Variants in SORBS2 observed in about 807,000 individuals in gnomAD.
SORBS2 encodes the protein sorbin and SH3 domain containing 2, also known as sorbin and SH3 domain-containing protein 2.
SORBS2 carries 46 observed loss-of-function variants against 97.7 expected under a neutral mutation model. The ratio of observed to expected loss-of-function variants is 0.47; its 90% CI spans 0.37 to 0.60. SORBS2 has a LOEUF of 0.60. Ranked by LOEUF, SORBS2 falls within the 20% of genes least tolerant of loss-of-function variation. SORBS2 has a pLI of 0.00. For missense variants in SORBS2, 1,316 were observed against 1,282.3 expected, an observed-to-expected ratio of 1.03 and a Z score of -0.40; for synonymous variants, 476 against 473.4, an observed-to-expected ratio of 1.01 and a Z score of -0.07.
intron 1 of SORBS2, among the ~76,000 whole-genome samples, chr4:185,814,025 G>T (rs2099191587): frequency 6.6e-6 from 1 of 152,100 alleles, no homozygotes; most frequent in African/African-American, 2.4e-5. Context: ...CTGATGACTG[G>T]CTGGTGTGAA....
intron 5 of SORBS2, among the ~76,000 whole-genome samples, chr4:185,627,511 C>T (rs746932591): frequency 6.6e-6 from 1 of 152,146 alleles, no homozygotes; most frequent in Non-Finnish European, 1.5e-5. Context: ...AACCACTGTG[C>T]CCGGACAACT....
chr4:185,638,533 C>A (rs899705647), intron 4 of SORBS2, among the ~76,000 whole-genome samples: 1 of 152,146 alleles, frequency 6.6e-6, no homozygotes, highest in Non-Finnish European at 1.5e-5. Context: ...TCAACCCAGT[C>A]ACCAAATAGC....
At chr4:185,915,201 C>A (rs115754649) in intron 1 of SORBS2, among the ~76,000 whole-genome samples, 1 of 152,140 alleles carries the variant, frequency 6.6e-6, no homozygotes, top group Non-Finnish European at 1.5e-5. Context: ...AAGAAGTGGA[C>A]GATGACTTTA....
chr4:185,862,729 C>T (rs527436125), intron 1 of SORBS2, among the ~76,000 whole-genome samples: 2 of 152,298 alleles, frequency 1.3e-5, no homozygotes, highest in South Asian at 4.1e-4. Context: ...ATCATTTTTG[C>T]CCTGGTGTGA....
chr4:185,610,850 A>T (rs2096526336), intron 12 of SORBS2, among the ~76,000 whole-genome samples: 1 of 152,176 alleles, frequency 6.6e-6, no homozygotes. Context: ...TTGAATGTTG[A>T]GAAGTACTTA....
chr4:185,622,716 ACAT>A (rs375681687), intron 7 of SORBS2, among the ~76,000 whole-genome samples, 195 bp downstream of exon 19: 132 of 152,344 alleles, frequency 8.7e-4, no homozygotes, highest in Middle Eastern at 3.4e-3. Context: ...TTTAAGCCAC[ACAT>A]CAAGTCCAAA....
At chr4:185,779,779 C>G (rs1318424759) in intron 1 of SORBS2, among the ~76,000 whole-genome samples, 1 of 152,096 alleles carries the variant, frequency 6.6e-6, no homozygotes, top group Non-Finnish European at 1.5e-5. Context: ...GTCTAGTATC[C>G]CAGGAGAACA....
chr4:185,908,895 C>A (rs1193440774), intron 1 of SORBS2, among the ~76,000 whole-genome samples: 1 of 151,298 alleles, frequency 6.6e-6, no homozygotes, highest in Non-Finnish European at 1.5e-5. Flanking sequence ...TATACATGTA[C>A]TTTATATACA....
At chr4:185,758,447 T>C (rs2098844148) in intron 2 of SORBS2, among the ~76,000 whole-genome samples, 1 of 152,172 alleles carries the variant, frequency 6.6e-6, no homozygotes, top group South Asian at 2.1e-4. Context: ...CTCCTCCTCC[T>C]CCTGGCCTCT....
At chr4:185,905,330 C>T (rs1309151842) in intron 1 of SORBS2, among the ~76,000 whole-genome samples, 1 of 152,036 alleles carries the variant, frequency 6.6e-6, no homozygotes, top group Non-Finnish European at 1.5e-5. Flanking sequence ...ATGTAACAAT[C>T]ATTTAAGGGT....
chr4:185,720,168 T>C (rs2098501111), intron 2 of SORBS2, among the ~76,000 whole-genome samples: 1 of 152,198 alleles, frequency 6.6e-6, no homozygotes, highest in African/African-American at 2.4e-5. Context: ...TTCCCAGAAT[T>C]GTGAAGCCTC....
chr4:185,795,344 T>C (rs2099099849), intron 1 of SORBS2, among the ~76,000 whole-genome samples: 1 of 152,178 alleles, frequency 6.6e-6, no homozygotes, highest in Admixed American at 6.5e-5. Flanking sequence ...TCCTCTCTCC[T>C]GCCACTGGGA....
intron 1 of SORBS2, among the ~76,000 whole-genome samples, chr4:185,825,835 C>T (rs1414134187): frequency 6.6e-6 from 1 of 151,974 alleles, no homozygotes; most frequent in African/African-American, 2.4e-5. Context: ...TTACATTGGG[C>T]CTAAGTCCAC....
rs10000195 is a variant in SORBS2, at chr4:185,932,285, A to G, written c.-338+23911T>C. On this transcript the variant is annotated intron_variant, in intron 1 of 20. Coordinates refer to the SORBS2 transcript ENST00000284776. ...AAGGATGGATCCCCTGATATACTGA[A>G]GAAATCTTGCAAAGGACAGTGGAGG... 3.6e-3 allele frequency among the ~76,000 whole-genome samples: 546 copies of G among 151,762 alleles called. 6 individuals are homozygous for G. The highest frequency in any genetic ancestry group is 0.013 in the African/African-American group (521 of 41,362).
At position 185,587,876 on chromosome 4, in the gene SORBS2, C is replaced by A. The variant is rs2095823869; in HGVS notation, c.2954-188G>T. On this transcript the variant is annotated intron_variant, in intron 14 of 14. Coordinates refer to ENST00000418609, the Ensembl canonical transcript of SORBS2. ...AGCAGTGTTAGCTGGTTGCCTGACG[C>A]TCTCACTGCCCCTCCGGCATAAATG... The A allele has an allele frequency of 5.6e-6, 3 of 533,396 alleles. No homozygotes were observed. In the East Asian group the frequency reaches 9.6e-5, roughly 17 times the overall value. The allele number at this position is 533,396 out of a possible 1,614,324, so 33.0% of individuals were successfully genotyped here.
chr4:185,642,568 A>G (rs1328834037), intron 4 of SORBS2, among the ~76,000 whole-genome samples: 1 of 152,222 alleles, frequency 6.6e-6, no homozygotes, highest in Non-Finnish European at 1.5e-5. Context: ...AGTTCAAGGC[A>G]AATTCCTGGT....
chr4:185,898,458 A>C (rs986639292), intron 1 of SORBS2, among the ~76,000 whole-genome samples: 4 of 152,264 alleles, frequency 2.6e-5, no homozygotes, highest in Non-Finnish European at 5.9e-5. Flanking sequence ...AAGTTAAATC[A>C]ATCACACTCT....
rs182800587 is a variant in SORBS2, at chr4:185,694,857, C to T, written c.-197-16035G>A. On this transcript the variant is annotated intron_variant, in intron 2 of 20. Coordinates refer to the SORBS2 transcript ENST00000284776. ...GAGTAGCTGGAATTACAGGCGTGCA[C>T]CATCACGCCTGGCTAATTTTTGTAT... Among the ~76,000 whole-genome samples the T allele has an allele frequency of 1.6e-3, 243 of 151,932 alleles. 5 individuals are homozygous for T. The East Asian group carries it at 0.033, about 21-fold the overall frequency.
intron 1 of SORBS2, among the ~76,000 whole-genome samples, chr4:185,782,144 G>C (rs914541482): frequency 2.6e-5 from 4 of 152,126 alleles, no homozygotes; most frequent in African/African-American, 9.7e-5. Flanking sequence ...TACATTTTTT[G>C]GTTCTATATT....
Sources: allele counts gnomAD v4.1 joint callset (sites outside exome capture counted in the v4.1 genomes callset), GRCh38; gene constraint gnomAD v4.1.1; transcripts MANE v1.5; gene names NCBI Gene and HGNC (gene_info 2026-07-23, HGNC 2026-07-21).